The following NRAP variants were observed in gnomAD, a reference collection of about 807,000 sequenced individuals.
The protein encoded by NRAP is nebulin related anchoring protein.
Under a neutral mutation model 225.9 loss-of-function variants are expected in NRAP, and 189 were observed. The observed-to-expected ratio is 0.84, with a 90% CI of 0.74 to 0.94. NRAP has a LOEUF of 0.94. NRAP is among the 40% of genes least tolerant of loss of function. NRAP has a pLI of 0.00. For missense variants in NRAP, 2,176 were observed against 2,168.7 expected (o/e 1.00, Z -0.07); for synonymous variants, 769 against 790.7 (o/e 0.97, Z 0.46).
At chr10:113,615,147 A>G (rs1312405843) in intron 27 of NRAP, among the ~76,000 whole-genome samples, 3 of 142,504 alleles carry the variant, frequency 2.1e-5, no homozygotes, top group African/African-American at 2.5e-5. Context: ...TAGGCAGGGG[A>G]TGGGGTTGGG....
At chr10:113,604,314 G>A (rs1156975296) in intron 35 of NRAP, among the ~76,000 whole-genome samples, 3 of 152,018 alleles carry the variant, frequency 2.0e-5, no homozygotes, top group Admixed American at 6.6e-5. Flanking sequence ...ACGGGGTTTC[G>A]CCATGTTGGT....
Position 113,633,160 on chromosome 10 carries a change from T to A in NRAP, c.1556A>T (p.Asn519Ile), listed in dbSNP as rs2270182. 418,800 of 1,598,234 alleles carry A rather than the reference T, an allele frequency of 0.26. 56,446 individuals are homozygous for A. The highest frequency in any genetic ancestry group is 0.35 in the African/African-American group (26,224 of 74,582). The change falls in exon 16 of 42, where the codon AAT (asparagine) becomes ATT (isoleucine). Residue 519 changes from asparagine (N) to isoleucine (I), a missense_variant. Transcript: ENST00000359988. ...HVNYRADYEK[N>I]KLNYTLPQDV... is the part of the protein sequence containing the mutation. ...CTGGGGCAATGTGTAATTCAACTTATTTTTCTCATAGTCAGCACGGTAATT... is the reference window on the plus strand; with the variant it reads ...CTGGGGCAATGTGTAATTCAACTTAATTTTCTCATAGTCAGCACGGTAATT...
Position 113,588,843 on chromosome 10 carries a change from A to G in NRAP, c.*132T>C, listed in dbSNP as rs1041312681. On this transcript the variant is annotated 3_prime_UTR_variant, in exon 42 of 42. Transcript: ENST00000359988. ...ACATTCTCCATCTGCTTTCAGAGTT[A>G]TTATTTTAATAAAGGAAGATCTGGG... The G allele has an allele frequency of 8.5e-6, 6 of 704,060 alleles. No homozygotes were observed. The highest frequency in any genetic ancestry group is 3.6e-5 in the African/African-American group (2 of 56,294). The allele number at this position is 704,060 out of a possible 1,614,324, so 43.6% of individuals were successfully genotyped here.
At chr10:113,603,750 C>G (rs1211258668) in intron 35 of NRAP, among the ~76,000 whole-genome samples, 4 of 152,214 alleles carry the variant, frequency 2.6e-5, no homozygotes, top group African/African-American at 9.6e-5. Context: ...TACTCAAGTC[C>G]TTGGCCTTTG....
intron 35 of NRAP, among the ~76,000 whole-genome samples, chr10:113,600,187 C>CTCTCTCTCTCTCTCTCTCTCTCTG (rs1846518000): frequency 6.8e-6 from 1 of 147,082 alleles, no homozygotes; most frequent in African/African-American, 2.5e-5. Context: ...CTCTCTCTCT[C>CTCTCTCTCTCTCTCTCTCTCTCTG]TGGAGATGGG....
At chr10:113,642,360 A>C (rs934166155) in intron 12 of NRAP, among the ~76,000 whole-genome samples, 1 of 152,192 alleles carries the variant, frequency 6.6e-6, no homozygotes, top group Non-Finnish European at 1.5e-5. Context: ...TGCCTTACAC[A>C]GTCCCTTGCA....
chr10:113,649,469 AG>A (rs753932569), intron 9 of NRAP, among the ~76,000 whole-genome samples: 1 of 152,222 alleles, frequency 6.6e-6, no homozygotes, highest in Non-Finnish European at 1.5e-5. Flanking sequence ...GAAAAGACAG[AG>A]GGATGTGCAA....
chr10:113,626,342 C>T (rs1438143210), intron 20 of NRAP, among the ~76,000 whole-genome samples, 197 bp from the exon 21 acceptor site: 2 of 150,388 alleles, frequency 1.3e-5, no homozygotes, highest in African/African-American at 5.0e-5. Context: ...GATTTAGTTG[C>T]TATTACTGAA....
In NRAP at chr10:113,589,922, A is replaced by C. The variant is rs573303899; in HGVS notation, c.4957-125T>G. ...TATGTTGTCTGTCATCAGTAAAGCC[A>C]GAACAAGGGGAACAAATTTATCATA... On this transcript the variant is annotated intron_variant, in intron 40 of 41. Transcript: ENST00000359988. 12 of 1,093,682 alleles carry C rather than the reference A, an allele frequency of 1.1e-5. No homozygotes were observed. In the African/African-American group the frequency reaches 1.7e-4, roughly 16 times the overall value. 67.7% of individuals were successfully genotyped at this position (1,093,682 alleles called of 1,614,324 possible). A position where few individuals can be genotyped will look rare whatever the true frequency, so the allele number is the denominator to read the frequency against.
chr10:113,641,313 T>C, intron 13 of NRAP, 52 bp downstream of exon 13: 1 of 1,090,712 alleles, frequency 9.2e-7, no homozygotes, highest in Non-Finnish European at 1.4e-6. Context: ...GGCTGAATTC[T>C]TCATGCCCTG....
intron 16 of NRAP, among the ~76,000 whole-genome samples, chr10:113,632,360 A>AGT (rs1214177296): frequency 6.6e-6 from 1 of 152,274 alleles, no homozygotes; most frequent in Admixed American, 6.5e-5. Flanking sequence ...GCATAACATA[A>AGT]GTGTGGGGTA....
intron 20 of NRAP, 98 bp from the exon 21 acceptor site, chr10:113,626,243 C>T (rs1848287279): frequency 4.0e-6 from 3 of 753,830 alleles, no homozygotes; most frequent in Non-Finnish European, 6.5e-6. Flanking sequence ...TTTCTGTGGT[C>T]CAAGCATTTC....
chr10:113,636,565 G>A (rs1223748133), intron 14 of NRAP, among the ~76,000 whole-genome samples: 1 of 152,234 alleles, frequency 6.6e-6, no homozygotes, highest in Non-Finnish European at 1.5e-5. Flanking sequence ...AGAGGCAGCT[G>A]CTGCCCAGCT....
chr10:113,605,727 T>A, intron 34 of NRAP, 35 bp downstream of exon 34: 2 of 1,379,658 alleles, frequency 1.4e-6, no homozygotes, highest in Non-Finnish European at 2.1e-6. Flanking sequence ...TTAACAGAAA[T>A]TAGGCAAGAT....
At chr10:113,650,667 T>C (rs1849903918) in intron 7 of NRAP, 122 bp from the exon 8 acceptor site, 1 of 705,158 alleles carries the variant, frequency 1.4e-6, no homozygotes, top group African/African-American at 1.7e-5. Flanking sequence ...AGGCACATAA[T>C]TGGCTTACAG....
intron 3 of NRAP, among the ~76,000 whole-genome samples, chr10:113,662,201 C>T (rs949197041): frequency 1.3e-5 from 2 of 152,128 alleles, no homozygotes; most frequent in Non-Finnish European, 2.9e-5. Flanking sequence ...GACAGAGACA[C>T]TTAAAAACTT....
intron 32 of NRAP, among the ~76,000 whole-genome samples, chr10:113,608,114 T>C (rs1217440445): frequency 1.3e-5 from 2 of 152,238 alleles, no homozygotes; most frequent in Admixed American, 6.5e-5. Context: ...TATGATCCTG[T>C]CAAATGACCA....
chr10:113,663,696 G>C, intron 1 of NRAP, 115 bp downstream of exon 1: 1 of 788,068 alleles, frequency 1.3e-6, no homozygotes, highest in African/African-American at 1.7e-5. Context: ...TTTTTCTTGT[G>C]GTTCAAAACA....
intron 14 of NRAP, among the ~76,000 whole-genome samples, chr10:113,638,126 T>C (rs542652304): frequency 6.6e-6 from 1 of 152,106 alleles, no homozygotes; most frequent in Non-Finnish European, 1.5e-5. Flanking sequence ...CATAATAGAG[T>C]CTATTAGAAT....
Sources: gnomAD v4.1 joint callset for allele counts (sites outside exome capture counted in the v4.1 genomes callset) on GRCh38, gnomAD v4.1.1 for gene constraint, MANE v1.5 for transcripts, NCBI Gene and HGNC (gene_info 2026-07-23, HGNC 2026-07-21) for gene names.